The following RNFT1 variants were observed in gnomAD, a reference collection of about 807,000 sequenced individuals.
RNFT1 encodes E3 ubiquitin-protein ligase RNFT1.
Under a neutral mutation model 53.2 loss-of-function variants are expected in RNFT1, and 35 were observed. The observed-to-expected ratio is 0.66, with a 90% CI of 0.50 to 0.87. The LOEUF is 0.87. RNFT1 is among the 40% of genes least tolerant of loss of function. The pLI is 0.00. For missense variants in RNFT1, 421 were observed against 515.0 expected, an observed-to-expected ratio of 0.82 and a Z score of 1.77; for synonymous variants, 141 against 172.8, an observed-to-expected ratio of 0.82 and a Z score of 1.44.
Position 59,957,265 on chromosome 17 carries a change from T to G in RNFT1, c.964A>C (p.Ser322Arg). The change falls in exon 6 of 9, where the codon AGT becomes CGT. Residue 322 changes from serine to arginine, a missense_variant. Physicochemically the swap from Ser to Arg is moderately radical, Grantham distance 110. Coordinates refer to ENST00000305783, the MANE Select transcript of RNFT1 (RefSeq NM_016125.4). ...YGEFGNVTRW[S>R]LGILLALLYL... ...AGTAAAGCCAGCAGTATCCCAAGAC[T>G]CCATCTAGTTACGTTACCAAACTCC... 1 of 1,613,810 alleles carries G rather than the reference T, an allele frequency of 6.2e-7. No individual in the cohort carries two copies. Among genetic ancestry groups the G allele is most frequent in the South Asian group, 1.1e-5 (1 of 91,036 alleles).
Position 59,954,038 on chromosome 17 carries a change from T to C in RNFT1, c.1173+7A>G. The C allele has an allele frequency of 1.3e-6, 2 of 1,518,202 alleles. No homozygotes were observed. The highest frequency in any genetic ancestry group is 1.8e-6 in the Non-Finnish European group (2 of 1,115,592). 94.0% of individuals were successfully genotyped at this position (1,518,202 alleles called of 1,614,324 possible). A position where few individuals can be genotyped will look rare whatever the true frequency, so the allele number is the denominator to read the frequency against. The stretch of plus-strand genomic sequence containing the variant: ...ATTTAGGTTTTTAAATTTAAAAATG[T>C]AATTACCTGACAAATGAGAAGAATT... On this transcript the variant is annotated splice_region_variant and intron_variant, in intron 8 of 8. Coordinates refer to ENST00000305783, the MANE Select transcript of RNFT1 (RefSeq NM_016125.4).
chr17:59,952,449 TCTTCA>T lies in RNFT1; in HGVS notation c.*523_*527del, dbSNP rs1447944768. 1 of 152,356 alleles carries T rather than the reference TCTTCA, an allele frequency of 6.6e-6. No homozygotes were observed. Among genetic ancestry groups the T allele is most frequent in the Non-Finnish European group, 1.5e-5 (1 of 68,138 alleles). 9.4% of individuals were successfully genotyped at this position (152,356 alleles called of 1,614,324 possible). A position where few individuals can be genotyped will look rare whatever the true frequency, so the allele number is the denominator to read the frequency against. ...TAATGTATCATCCTCAGTAAATTAATCTTCACTTAGAAAATGTTACTGATAAAATA... is the reference window on the plus strand; with the variant it reads ...TAATGTATCATCCTCAGTAAATTAATCTTAGAAAATGTTACTGATAAAATA... On this transcript the variant is annotated 3_prime_UTR_variant, in exon 9 of 9. Transcript: ENST00000305783.
At chr17:59,963,688 A>G (rs1288153383) in intron 1 of RNFT1, among the ~76,000 whole-genome samples, 2 of 152,210 alleles carry the variant, frequency 1.3e-5, no homozygotes, top group African/African-American at 4.8e-5. Flanking sequence ...GAAGTTTCAT[A>G]AGGAAGAGTG....
intron 5 of RNFT1, among the ~76,000 whole-genome samples, chr17:59,957,860 C>CA (rs964496558): frequency 2.1e-4 from 32 of 149,004 alleles, no homozygotes; most frequent in East Asian, 5.8e-4. Context: ...AAAACAAAAC[C>CA]AAAAAAAAAG....
rs774229103 is a variant in RNFT1, at chr17:59,952,911, T to G, written c.*66A>C. On this transcript the variant is annotated 3_prime_UTR_variant, in exon 9 of 9. Coordinates refer to ENST00000305783, the MANE Select transcript of RNFT1 (RefSeq NM_016125.4). ...TGGTAGCCCTGAAAATCCATTCTGA[T>G]GCCTTATCAGTAGTCATTATGACCA... 6.8e-7 allele frequency: 1 copy of G among 1,463,038 alleles called. No homozygotes were observed. The highest frequency in any genetic ancestry group is 9.4e-7 in the Non-Finnish European group (1 of 1,069,198). The allele number at this position is 1,463,038 out of a possible 1,614,324, so 90.6% of individuals were successfully genotyped here.
At chr17:59,958,181 T>C (rs1016171466) in intron 5 of RNFT1, 110 bp downstream of exon 5, 1 of 1,064,032 alleles carries the variant, frequency 9.4e-7, no homozygotes, top group Admixed American at 2.8e-5. Context: ...ATAATTAAGC[T>C]AGTTAGCAAA....
At chr17:59,954,613 A>C (rs1211742286) in intron 7 of RNFT1, among the ~76,000 whole-genome samples, 1 of 152,200 alleles carries the variant, frequency 6.6e-6, no homozygotes, top group Admixed American at 6.5e-5. Context: ...GTTCCACACA[A>C]TATCAATTCA....
At chr17:59,956,337 G>A in intron 7 of RNFT1, 151 bp downstream of exon 7, 1 of 615,452 alleles carries the variant, frequency 1.6e-6, no homozygotes. Flanking sequence ...AATTATTATA[G>A]CCCCAAGTGC....
intron 5 of RNFT1, among the ~76,000 whole-genome samples, chr17:59,957,703 G>C (rs2045262669): frequency 6.6e-6 from 1 of 152,028 alleles, no homozygotes; most frequent in Non-Finnish European, 1.5e-5. Context: ...AAATTAACTG[G>C]GTGTGGTGGT....
In RNFT1 at chr17:59,953,104, A is replaced by C. The variant is rs1371594128; in HGVS notation, c.1181T>G (p.Phe394Cys). 6.2e-7 allele frequency: 1 copy of C among 1,602,562 alleles called. No homozygotes were observed. Among genetic ancestry groups the C allele is most frequent in the East Asian group, 2.2e-5 (1 of 44,786 alleles). ...KPILLICQHI[F>C]CEECMTLWFN... Reference sequence around the variant, plus strand: ...CCATAAGGTCATGCACTCTTCACAAAATATATGCTGTAATGGAATTAAGAA... The same window carrying C: ...CCATAAGGTCATGCACTCTTCACAACATATATGCTGTAATGGAATTAAGAA... The change falls in exon 9 of 9, where the codon TTT (phenylalanine) becomes TGT (cysteine). Residue 394 changes from phenylalanine (F) to cysteine (C), a missense_variant. By Grantham distance (205) the Phe-to-Cys change is radical. Coordinates refer to ENST00000305783, the MANE Select transcript of RNFT1 (RefSeq NM_016125.4).
chr17:59,957,411 C>G (rs1001923390), intron 5 of RNFT1, 29 bp from the exon 6 acceptor site: 1 of 1,563,396 alleles, frequency 6.4e-7, no homozygotes, highest in Non-Finnish European at 8.7e-7. Context: ...ACAAATAGAG[C>G]TACCCAAACT....
chr17:59,962,654 A>G, intron 2 of RNFT1, 38 bp from the exon 3 acceptor site: 12 of 1,483,624 alleles, frequency 8.1e-6, no homozygotes, highest in Non-Finnish European at 1.1e-5. Context: ...GAAAGAAAAA[A>G]AAATCAAAGA....
intron 7 of RNFT1, among the ~76,000 whole-genome samples, chr17:59,954,980 C>G (rs1401426783): frequency 6.6e-6 from 1 of 152,146 alleles, no homozygotes; most frequent in Non-Finnish European, 1.5e-5. Flanking sequence ...GTCAATAACC[C>G]TCAGTGAAAT....
Position 59,956,476 on chromosome 17 carries a change from A to G in RNFT1, c.1071+12T>C, listed in dbSNP as rs1390994722. The G allele has an allele frequency of 6.2e-7, 1 of 1,601,388 alleles. No individual in the cohort carries two copies. Among genetic ancestry groups the G allele is most frequent in the East Asian group, 2.2e-5 (1 of 44,624 alleles). On this transcript the variant is annotated intron_variant, in intron 7 of 8. Coordinates refer to ENST00000305783, the MANE Select transcript of RNFT1 (RefSeq NM_016125.4). The stretch of plus-strand genomic sequence containing the variant: ...GTGAAGGTGTTTTTCTTAACTGATA[A>G]AAAGTACTTACTGGTTGTGTAAAAA...
intron 5 of RNFT1, among the ~76,000 whole-genome samples, chr17:59,957,866 A>T (rs553286195): frequency 5.9e-5 from 9 of 152,258 alleles, no homozygotes; most frequent in South Asian, 4.1e-4. Flanking sequence ...AAACCAAAAA[A>T]AAAGATACAA....
chr17:59,957,531 G>A (rs2045261680), intron 5 of RNFT1, 149 bp from the exon 6 acceptor site: 2 of 605,706 alleles, frequency 3.3e-6, no homozygotes, highest in Middle Eastern at 4.7e-4. Context: ...TGAACCTCAA[G>A]CTGGTTCTCA....
At chr17:59,958,901 C>T (rs1598864752) in intron 4 of RNFT1, among the ~76,000 whole-genome samples, 1 of 152,238 alleles carries the variant, frequency 6.6e-6, no homozygotes. Context: ...TAACACAACA[C>T]TTTTCTATTT....
In RNFT1 at chr17:59,964,577, T is replaced by G. The variant is rs770065555; in HGVS notation, c.56+31A>C. The stretch of plus-strand genomic sequence containing the variant: ...CCCTGCGCCGCGGCCCCTCGCCGCC[T>G]CCTCCTCTGCCCGCTTCCCCCAGGC... On this transcript the variant is annotated intron_variant, in intron 1 of 8. Coordinates refer to ENST00000305783, the MANE Select transcript of RNFT1 (RefSeq NM_016125.4). 5.9e-5 allele frequency: 92 copies of G among 1,569,728 alleles called. 1 individual carries two copies. The South Asian group carries it at 7.1e-4, about 12-fold the overall frequency.
intron 4 of RNFT1, 25 bp from the exon 5 acceptor site, chr17:59,958,469 T>G: frequency 6.6e-7 from 1 of 1,507,704 alleles, no homozygotes; most frequent in Non-Finnish European, 9.0e-7. Flanking sequence ...ACATCAAAAT[T>G]TATCAGAGCA....
Sources: allele counts gnomAD v4.1 joint callset (sites outside exome capture counted in the v4.1 genomes callset), GRCh38; gene constraint gnomAD v4.1.1; transcripts MANE v1.5; gene names NCBI Gene and HGNC (gene_info 2026-07-23, HGNC 2026-07-21).